WDR41: variants seen among roughly 807,000 people sequenced by gnomAD.
The protein encoded by WDR41 is WD repeat domain 41.
In WDR41, 63 loss-of-function variants were observed where a neutral mutation model predicts 69.3. The observed-to-expected ratio is 0.91, with a 90% CI of 0.74 to 1.12. The LOEUF is 1.12. Among genes scored for constraint, WDR41 ranks in the 50% most tolerant of loss-of-function variants. The pLI, the probability that WDR41 is intolerant of heterozygous loss-of-function variation, is 0.00. For missense variants in WDR41, 543 were observed against 534.5 expected (o/e 1.02, Z -0.16); for synonymous variants, 185 against 192.1 (o/e 0.96, Z 0.31).
intron 1 of WDR41, among the ~76,000 whole-genome samples, chr5:77,602,173 C>A (rs1387134914): frequency 6.7e-6 from 1 of 150,150 alleles, no homozygotes; most frequent in Non-Finnish European, 1.5e-5. Flanking sequence ...GAGTTTCTCT[C>A]TTGTTGCCCA....
chr5:77,619,554 C>A, intron 1 of WDR41, among the ~76,000 whole-genome samples: 1 of 152,142 alleles, frequency 6.6e-6, no homozygotes, highest in Middle Eastern at 3.4e-3. Context: ...CAGACCTGAC[C>A]CCAAGTCCAG....
At chr5:77,604,919 G>T (rs1396547639) in intron 1 of WDR41, among the ~76,000 whole-genome samples, 1 of 150,140 alleles carries the variant, frequency 6.7e-6, no homozygotes, top group East Asian at 1.9e-4. Flanking sequence ...TGCACTAAAA[G>T]GGGAAAGAAC....
chr5:77,501,864 T>C (rs1290190876), intron 1 of WDR41, among the ~76,000 whole-genome samples: 3 of 152,036 alleles, frequency 2.0e-5, no homozygotes, highest in South Asian at 2.1e-4. Flanking sequence ...CTACACCCCA[T>C]TGGTAGGTCA....
At chr5:77,550,268 C>T (rs192680763) in intron 1 of WDR41, among the ~76,000 whole-genome samples, 113 of 152,092 alleles carry the variant, frequency 7.4e-4, no homozygotes, top group African/African-American at 2.5e-3. Context: ...TAAATAGTTT[C>T]GGCACAGCAA....
chr5:77,567,516 C>A (rs1743655602), intron 1 of WDR41, among the ~76,000 whole-genome samples: 1 of 151,930 alleles, frequency 6.6e-6, no homozygotes, highest in Admixed American at 6.6e-5. Flanking sequence ...ATGTACATAC[C>A]AACATTACAG....
At chr5:77,499,009 C>A (rs1037769241) in intron 1 of WDR41, among the ~76,000 whole-genome samples, 2 of 151,944 alleles carry the variant, frequency 1.3e-5, no homozygotes, top group African/African-American at 4.8e-5. Flanking sequence ...AAAATATTTG[C>A]AAATTAGGTA....
chr5:77,517,326 A>T (rs944262829), intron 1 of WDR41, among the ~76,000 whole-genome samples: 2 of 152,110 alleles, frequency 1.3e-5, no homozygotes, highest in Admixed American at 6.5e-5. Flanking sequence ...CACAAATCTC[A>T]TCAACTTCTA....
chr5:77,505,924 C>T (rs1049262834), intron 1 of WDR41, among the ~76,000 whole-genome samples: 2 of 152,044 alleles, frequency 1.3e-5, no homozygotes, highest in Non-Finnish European at 2.9e-5. Flanking sequence ...GACCTAAAAC[C>T]AAAAACACCC....
chr5:77,582,391 G>A, intron 1 of WDR41: 1 of 1,610,748 alleles, frequency 6.2e-7, no homozygotes, highest in South Asian at 1.1e-5. Context: ...GGGTGTAGAA[G>A]AGAAGAAGAA....
intron 1 of WDR41, among the ~76,000 whole-genome samples, chr5:77,604,510 T>C (rs562841585): frequency 2.0e-5 from 3 of 152,196 alleles, no homozygotes; most frequent in Non-Finnish European, 2.9e-5. Flanking sequence ...TTCTCATAAA[T>C]TGCTATTAGG....
chr5:77,456,363 T>G (rs181257759), intron 5 of WDR41, among the ~76,000 whole-genome samples: 233 of 152,342 alleles, frequency 1.5e-3, no homozygotes, highest in African/African-American at 5.4e-3. Context: ...ATGGAATTGT[T>G]TCTTAATTTT....
intron 1 of WDR41, among the ~76,000 whole-genome samples, chr5:77,581,196 T>C (rs1277961658): frequency 6.6e-6 from 1 of 151,950 alleles, no homozygotes; most frequent in Non-Finnish European, 1.5e-5. Context: ...ACTTAAAAAC[T>C]GAATAACAGA....
chr5:77,466,429 A>G (rs936787588), intron 2 of WDR41, among the ~76,000 whole-genome samples: 3 of 151,872 alleles, frequency 2.0e-5, no homozygotes, highest in African/African-American at 7.2e-5. Flanking sequence ...GCAGGACTCA[A>G]GGTCTTAAGT....
intron 1 of WDR41, chr5:77,545,794 T>A: frequency 9.9e-7 from 1 of 1,008,462 alleles, no homozygotes; most frequent in Non-Finnish European, 1.4e-6. Context: ...CACGTCGGTC[T>A]GGGTGTTAAG....
chr5:77,505,909 TG>T (rs1802097733), intron 1 of WDR41, among the ~76,000 whole-genome samples: 1 of 152,220 alleles, frequency 6.6e-6, no homozygotes, highest in South Asian at 2.1e-4. Flanking sequence ...AAGACTTATA[TG>T]TTAGACCTAA....
At chr5:77,458,496 T>C (rs72769053) in intron 5 of WDR41, among the ~76,000 whole-genome samples, 4,138 of 152,238 alleles carry the variant, frequency 0.027, 68 homozygotes, top group Middle Eastern at 0.065. Context: ...TTAATTTCTG[T>C]AGGAATCACA....
chr5:77,545,704 G>A (rs1743180980), intron 1 of WDR41: 1 of 505,416 alleles, frequency 2.0e-6, no homozygotes, highest in Non-Finnish European at 3.4e-6. Flanking sequence ...GGTTACGCCA[G>A]TGCAGAAGCA....
chr5:77,572,113 A>G (rs192742046), intron 1 of WDR41, among the ~76,000 whole-genome samples: 2 of 152,310 alleles, frequency 1.3e-5, no homozygotes, highest in Non-Finnish European at 2.9e-5. Flanking sequence ...GGCTAAAAAA[A>G]AGGGAGAAGA....
chr5:77,524,327 C>A (rs1802414964), intron 1 of WDR41, among the ~76,000 whole-genome samples: 2 of 152,186 alleles, frequency 1.3e-5, no homozygotes, highest in African/African-American at 4.8e-5. Flanking sequence ...GTGGCACACA[C>A]CTGTAATCCC....
Sources: gnomAD v4.1 joint callset for allele counts (sites outside exome capture counted in the v4.1 genomes callset) on GRCh38, gnomAD v4.1.1 for gene constraint, MANE v1.5 for transcripts, NCBI Gene and HGNC (gene_info 2026-07-23, HGNC 2026-07-21) for gene names.